Variants in SYT13 observed in about 807,000 individuals in gnomAD.
SYT13 encodes the protein synaptotagmin-13.
A neutral mutation model predicts 38.6 loss-of-function variants in SYT13; 21 were observed. The observed-to-expected ratio is 0.54, with a 90% CI of 0.39 to 0.78. SYT13 has a LOEUF of 0.78. Ranked by LOEUF, SYT13 falls within the 30% of genes least tolerant of loss-of-function variation. The pLI is 0.00. For synonymous variants in SYT13, 241 were observed against 237.6 expected, an observed-to-expected ratio of 1.01 and a Z score of -0.13; for missense variants, 495 against 548.7, an observed-to-expected ratio of 0.90 and a Z score of 0.98.
intron 1 of SYT13, among the ~76,000 whole-genome samples, chr11:45,273,308 C>A (rs1212942781): frequency 6.6e-6 from 1 of 152,106 alleles, no homozygotes; most frequent in Non-Finnish European, 1.5e-5. Flanking sequence ...ATGTAGCCAG[C>A]CCCCAGGCAC....
chr11:45,282,529 G>C (rs1855086358), intron 1 of SYT13, among the ~76,000 whole-genome samples: 1 of 152,188 alleles, frequency 6.6e-6, no homozygotes, highest in African/African-American at 2.4e-5. Context: ...CTATATGTTT[G>C]CTTCTTTATT....
intron 1 of SYT13, among the ~76,000 whole-genome samples, chr11:45,270,550 T>C (rs1391034696): frequency 1.3e-5 from 2 of 152,184 alleles, no homozygotes; most frequent in African/African-American, 2.4e-5. Flanking sequence ...AGTACAAAAA[T>C]TTGAGTTTGT....
At chr11:45,275,642 A>G (rs904437311) in intron 1 of SYT13, among the ~76,000 whole-genome samples, 3 of 152,134 alleles carry the variant, frequency 2.0e-5, no homozygotes, top group African/African-American at 7.2e-5. Context: ...CCCTTTATCT[A>G]ATGAATTGGG....
intron 1 of SYT13, among the ~76,000 whole-genome samples, chr11:45,282,124 A>G (rs549468532): frequency 6.6e-6 from 1 of 152,162 alleles, no homozygotes; most frequent in Non-Finnish European, 1.5e-5. Flanking sequence ...TGAAGGAGAA[A>G]CCATCATTCT....
chr11:45,252,942 TG>T lies in SYT13; in HGVS notation c.545-221del, dbSNP rs1308948805. On this transcript the variant is annotated intron_variant, in intron 3 of 5. Coordinates refer to ENST00000020926, the MANE Select transcript of SYT13 (RefSeq NM_020826.3). This position sits in a 1 kb window ranked among gnomAD's most constrained non-coding sequence, Gnocchi z 4.3. ...CTCAGCACATGCCGATTCTCTTTCT[TG>T]GAGAGCAGGGACAAGACTTGGCATT... Among the ~76,000 whole-genome samples, 2 of 152,158 alleles carry T rather than the reference TG, an allele frequency of 1.3e-5. No homozygotes were observed. Among genetic ancestry groups the T allele is most frequent in the African/African-American group, 4.8e-5 (2 of 41,450 alleles).
At chr11:45,282,558 G>A (rs960492491) in intron 1 of SYT13, among the ~76,000 whole-genome samples, 2 of 152,238 alleles carry the variant, frequency 1.3e-5, no homozygotes, top group African/African-American at 2.4e-5. Flanking sequence ...AAATAACAGA[G>A]TCTAGCAGGA....
rs1478597183 is a variant in SYT13 at position 45,241,628 on chromosome 11, G to A, written c.*2424C>T. 1 of 151,442 alleles carries A rather than the reference G, an allele frequency of 6.6e-6. No homozygotes were observed. The highest frequency in any genetic ancestry group is 1.5e-5 in the Non-Finnish European group (1 of 67,972). 9.4% of individuals were successfully genotyped at this position (151,442 alleles called of 1,614,324 possible). ...CGCCCAGCCCACCTGAAATTCCTTT[G>A]ATGGTACTATAAGGCAGCTGCACAG... On this transcript the variant is annotated 3_prime_UTR_variant, in exon 6 of 6. Coordinates refer to ENST00000020926, the MANE Select transcript of SYT13 (RefSeq NM_020826.3).
chr11:45,265,866 G>T (rs1854875764), intron 1 of SYT13, among the ~76,000 whole-genome samples: 1 of 152,156 alleles, frequency 6.6e-6, no homozygotes. Context: ...TGATTTAGAT[G>T]AAGTTCTATG....
intron 3 of SYT13, among the ~76,000 whole-genome samples, chr11:45,253,502 C>T (rs1854704003): frequency 6.6e-6 from 1 of 152,102 alleles, no homozygotes; most frequent in Admixed American, 6.5e-5. Flanking sequence ...AAAGATAATA[C>T]AAGGAAAAAG....
At chr11:45,262,772 T>A (rs1208599974) in intron 1 of SYT13, among the ~76,000 whole-genome samples, 1 of 100,240 alleles carries the variant, frequency 1.0e-5, no homozygotes, top group African/African-American at 3.1e-5. Flanking sequence ...CACACACAAA[T>A]TGAACTGTAC....
rs559122513 is a variant in SYT13 at position 45,282,793 on chromosome 11, A to T, written c.183+3232T>A. On this transcript the variant is annotated intron_variant, in intron 1 of 5. Transcript: ENST00000020926. ...TGATGTCATTTTTTTCCTATCCAAG[A>T]CCACAAACCTTTTAATGCTATCTAC... Among the ~76,000 whole-genome samples, 11 of 152,288 alleles carry T rather than the reference A, an allele frequency of 7.2e-5. 1 individual carries two copies. The highest frequency in any genetic ancestry group is 2.6e-4 in the African/African-American group (11 of 41,554).
At chr11:45,265,550 A>G (rs1030062856) in intron 1 of SYT13, among the ~76,000 whole-genome samples, 3 of 152,220 alleles carry the variant, frequency 2.0e-5, no homozygotes, top group African/African-American at 4.8e-5. Context: ...AAGATCAATG[A>G]GCTGGTGAAT....
In SYT13 at chr11:45,247,860, G is replaced by A. The variant is rs142040012; in HGVS notation, c.847-1348C>T. ...AGGAAGTGATTAAATATATAACATC[G>A]GGCAGCATTAAATGCTATGAAGAAA... On this transcript the variant is annotated intron_variant, in intron 4 of 5. Transcript: ENST00000020926. 1.4e-3 allele frequency among the ~76,000 whole-genome samples: 218 copies of A among 152,274 alleles called. 1 individual carries two copies. The highest frequency in any genetic ancestry group is 6.2e-3 in the South Asian group (30 of 4,824).
intron 1 of SYT13, among the ~76,000 whole-genome samples, chr11:45,264,497 C>T (rs1007879553): frequency 3.3e-5 from 5 of 152,092 alleles, no homozygotes; most frequent in Non-Finnish European, 7.4e-5. Flanking sequence ...CCGAGGGCAC[C>T]GCAGGAAGAA....
intron 3 of SYT13, among the ~76,000 whole-genome samples, chr11:45,253,243 A>T (rs1198184482): frequency 6.6e-6 from 1 of 152,198 alleles, no homozygotes; most frequent in East Asian, 1.9e-4. Context: ...CTCTTCAGGG[A>T]TCGTTTGGAA....
intron 3 of SYT13, among the ~76,000 whole-genome samples, chr11:45,253,022 TG>T (rs1042518383): frequency 6.6e-6 from 1 of 152,214 alleles, no homozygotes; most frequent in African/African-American, 2.4e-5. Flanking sequence ...TGCCAAGGCT[TG>T]CTGCTGGGGG....
intron 1 of SYT13, among the ~76,000 whole-genome samples, chr11:45,259,900 T>A (rs1242539385): frequency 6.6e-6 from 1 of 152,214 alleles, no homozygotes; most frequent in Non-Finnish European, 1.5e-5. Flanking sequence ...TTGATGGCAA[T>A]GTCATTAAGC....
chr11:45,250,793 G>A (rs1169883571), intron 4 of SYT13, among the ~76,000 whole-genome samples: 3 of 152,264 alleles, frequency 2.0e-5, no homozygotes, highest in South Asian at 4.2e-4. Flanking sequence ...CGGGTGAAAC[G>A]TACTCTTCCC....
At chr11:45,274,199 C>G (rs1854983212) in intron 1 of SYT13, among the ~76,000 whole-genome samples, 1 of 152,128 alleles carries the variant, frequency 6.6e-6, no homozygotes, top group South Asian at 2.1e-4. Flanking sequence ...AAGATTGTTA[C>G]CTAAAATTAA....
Sources: allele counts gnomAD v4.1 joint callset (sites outside exome capture counted in the v4.1 genomes callset), GRCh38; gene constraint gnomAD v4.1.1; non-coding constraint Gnocchi (gnomAD v3.1); transcripts MANE v1.5; gene names NCBI Gene and HGNC (gene_info 2026-07-23, HGNC 2026-07-21).